Variants in RUNDC1 observed in about 807,000 individuals in gnomAD.
RUNDC1 encodes RUN domain containing 1.
Under a neutral mutation model 49.3 loss-of-function variants are expected in RUNDC1, and 31 were observed. The observed-to-expected ratio is 0.63, with a 90% confidence interval of 0.47 to 0.85. The LOEUF (loss-of-function observed/expected upper bound fraction) is 0.85. Among genes scored for constraint, RUNDC1 ranks in the 40% least tolerant of loss-of-function variants. The probability of loss-of-function intolerance (pLI) is 0.00; values close to 1 mark genes in which losing one functional copy is unlikely to be tolerated. For synonymous variants in RUNDC1, 347 were observed against 348.6 expected (o/e 1.00, Z 0.05); for missense variants, 715 against 806.7 (o/e 0.89, Z 1.38).
rs766156837 is a variant in RUNDC1 at position 42,991,474 on chromosome 17, G to A, written c.1600G>A (p.Ala534Thr). 1.7e-5 allele frequency: 27 copies of A among 1,614,192 alleles called. No individual in the cohort carries two copies. The highest frequency in any genetic ancestry group is 2.2e-5 in the Non-Finnish European group (26 of 1,180,050). Residue 534 changes from alanine to threonine, a missense_variant, in exon 5 of 5, where the codon GCA becomes ACA. Ala to Thr is a moderately conservative substitution (Grantham distance 58). Transcript: ENST00000361677. ...AGAGCATGACCCTTTTAAGCGCAGT[G>A]CAGACTCAGAATTGAAGGCCTTGGT... ...LTEHDPFKRS[A>T]DSELKALVCM...
At position 42,980,735 on chromosome 17, in the gene RUNDC1, A is replaced by T; in HGVS notation, c.159A>T (p.Ala53=). Residue 53 remains alanine (A), a synonymous_variant, in exon 1 of 5, where the codon GCA becomes GCT. Coordinates refer to ENST00000361677, the MANE Select transcript of RUNDC1 (RefSeq NM_173079.5). ...CGGTGGCGGAGGCCCGGCCTGGGGC[A>T]ACCGCGTTTTTAGAAGAGGCGACGG... ...VGAVAEARPG[A]TAFLEEATAE... 6.5e-7 allele frequency: 1 copy of T among 1,529,802 alleles called. No homozygotes were observed. Among genetic ancestry groups the T allele is most frequent in the Non-Finnish European group, 8.8e-7 (1 of 1,142,098 alleles). The allele number at this position is 1,529,802 out of a possible 1,614,324, so 94.8% of individuals were successfully genotyped here.
rs2050230125 is a variant in RUNDC1, at chr17:42,990,905, G to A, written c.1031G>A (p.Arg344Gln). Residue 344 changes from arginine to glutamine, a missense_variant, in exon 5 of 5, where the codon CGA becomes CAA. Physicochemically the swap from Arg to Gln is conservative, Grantham distance 43. Around this residue, in one of 5 missense-constraint regions of RUNDC1, gnomAD observed 425 missense variants for 499.7 expected, o/e 0.85. Transcript: ENST00000361677. ...VRETGLHLMR[R>Q]ALAVLQIFAV... The stretch of plus-strand genomic sequence containing the variant: ...GAGACGGGGCTGCACCTGATGCGGC[G>A]AGCGCTGGCCGTGCTCCAGATCTTT... 3.7e-6 allele frequency: 6 copies of A among 1,610,112 alleles called. No individual in the cohort carries two copies. Among genetic ancestry groups the A allele is most frequent in the South Asian group, 1.1e-5 (1 of 91,022 alleles).
In RUNDC1 at chr17:42,991,437, C is replaced by T. The variant is rs2050240913; in HGVS notation, c.1563C>T (p.His521=). Residue 521 remains histidine, a synonymous_variant, in exon 5 of 5, where the codon CAC becomes CAT. Transcript: ENST00000361677. ...TPKQSLLTAI[H]MVLTEHDPFK... is the part of the protein sequence containing the mutation. ...AACAGAGCCTACTGACAGCCATCCA[C>T]ATGGTGCTGACAGAGCATGACCCTT... is the stretch of plus-strand genomic sequence containing the variant. 6.2e-7 allele frequency: 1 copy of T among 1,614,246 alleles called. No homozygotes were observed. Among genetic ancestry groups the T allele is most frequent in the Non-Finnish European group, 8.5e-7 (1 of 1,180,042 alleles).
intron 4 of RUNDC1, 27 bp downstream of exon 4, chr17:42,990,463 A>G (rs778100835): frequency 1.2e-6 from 2 of 1,611,538 alleles, no homozygotes; most frequent in African/African-American, 2.7e-5. Flanking sequence ...GAACAGGCAA[A>G]TCTCTAGAGA....
Position 42,994,682 on chromosome 17 carries a change from C to A in RUNDC1, c.*2966C>A, listed in dbSNP as rs1567735318. Among the ~76,000 whole-genome samples, 1 of 152,160 alleles carries A rather than the reference C, an allele frequency of 6.6e-6. No individual in the cohort carries two copies. Among genetic ancestry groups the A allele is most frequent in the Non-Finnish European group, 1.5e-5 (1 of 68,026 alleles). ...CAGCCATGACTTTCATGTCTAAGTTCTTGAAACCTAAATGTGTGTATCAAC... is the reference window on the plus strand; with the variant it reads ...CAGCCATGACTTTCATGTCTAAGTTATTGAAACCTAAATGTGTGTATCAAC... On this transcript the variant is annotated 3_prime_UTR_variant, in exon 5 of 5. Coordinates refer to ENST00000361677, the MANE Select transcript of RUNDC1 (RefSeq NM_173079.5).
Position 42,991,894 on chromosome 17 carries a change from A to C in RUNDC1, c.*178A>C, listed in dbSNP as rs2050249064. 8 of 668,820 alleles carry C rather than the reference A, an allele frequency of 1.2e-5. No individual in the cohort carries two copies. Among genetic ancestry groups the C allele is most frequent in the Middle Eastern group, 3.8e-4 (1 of 2,666 alleles). 41.4% of individuals were successfully genotyped at this position (668,820 alleles called of 1,614,324 possible). A position where few individuals can be genotyped will look rare whatever the true frequency, so the allele number is the denominator to read the frequency against. ...CCCCACCAACTTAGCTCTCGGAAAG[A>C]TGTGCTGGAGGGACCCTCTTGTTAA... On this transcript the variant is annotated 3_prime_UTR_variant, in exon 5 of 5. Transcript: ENST00000361677.
In RUNDC1 at chr17:42,994,853, A is replaced by T. The variant is rs971216349; in HGVS notation, c.*3137A>T. Among the ~76,000 whole-genome samples the T allele has an allele frequency of 6.6e-6, 1 of 152,196 alleles. No individual in the cohort carries two copies. Among genetic ancestry groups the T allele is most frequent in the Non-Finnish European group, 1.5e-5 (1 of 68,030 alleles). ...AGGAGAGGCAGGCCAGTCCACCCAG[A>T]TCCAAGGATATGCAAGAATGGAAGG... On this transcript the variant is annotated 3_prime_UTR_variant, in exon 5 of 5. Transcript: ENST00000361677.
At chr17:42,987,676 A>G (rs778410501) in intron 2 of RUNDC1, among the ~76,000 whole-genome samples, 13 of 152,258 alleles carry the variant, frequency 8.5e-5, no homozygotes, top group Non-Finnish European at 1.5e-4. Context: ...ATAAGAATAT[A>G]ACAATAATTT....
chr17:42,986,985 A>G (rs927856600), intron 1 of RUNDC1, among the ~76,000 whole-genome samples: 1 of 152,184 alleles, frequency 6.6e-6, no homozygotes, highest in Non-Finnish European at 1.5e-5. Context: ...CTTTGGGGGA[A>G]AAAAGGCAGT....
At position 42,991,647 on chromosome 17, in the gene RUNDC1, C is replaced by T. The variant is rs1236537305; in HGVS notation, c.1773C>T (p.Ser591=). The change falls in exon 5 of 5, where the codon AGC becomes AGT. Residue 591 remains serine (S), a synonymous_variant. Transcript: ENST00000361677. ...ESALNLLSRL[S]SLKFSLPVDL... ...CCCTCAACCTGCTCAGTCGCCTCAG[C>T]AGCCTCAAGTTTAGCCTCCCTGTAG... 1.2e-6 allele frequency: 2 copies of T among 1,613,948 alleles called. No individual in the cohort carries two copies. Among genetic ancestry groups the T allele is most frequent in the East Asian group, 4.5e-5 (2 of 44,890 alleles).
chr17:42,980,910 G>C lies in RUNDC1; in HGVS notation c.334G>C (p.Val112Leu), dbSNP rs1217663502. Residue 112 changes from valine to leucine, a missense_variant, in exon 1 of 5, where the codon GTG becomes CTG. Physicochemically the swap from Val to Leu is conservative, Grantham distance 32. Coordinates refer to ENST00000361677, the MANE Select transcript of RUNDC1 (RefSeq NM_173079.5). Reference protein sequence around the residue: ...AQVQFRLRQVVRGAPAEQQRL... With the variant: ...AQVQFRLRQVLRGAPAEQQRL... ...GGTGCAGTTCCGCCTGCGCCAGGTGGTGCGCGGGGCGCCGGCGGAGCAGCA... is the reference window on the plus strand; with the variant it reads ...GGTGCAGTTCCGCCTGCGCCAGGTGCTGCGCGGGGCGCCGGCGGAGCAGCA... The C allele has an allele frequency of 6.5e-7, 1 of 1,530,128 alleles. No homozygotes were observed. Among genetic ancestry groups the C allele is most frequent in the Non-Finnish European group, 8.7e-7 (1 of 1,144,938 alleles). The allele number at this position is 1,530,128 out of a possible 1,614,324, so 94.8% of individuals were successfully genotyped here. A position where few individuals can be genotyped will look rare whatever the true frequency, so the allele number is the denominator to read the frequency against.
At position 42,984,143 on chromosome 17, in the gene RUNDC1, A is replaced by AT. The variant is rs1452847251; in HGVS notation, c.498+3069_498+3070insT. The stretch of plus-strand genomic sequence containing the variant: ...CACTACCATGACTAGCTAATTAAAA[A>AT]ATATATTTTTTCTGTAGAGGTGGGG... On this transcript the variant is annotated intron_variant, in intron 1 of 4. Coordinates refer to ENST00000361677, the MANE Select transcript of RUNDC1 (RefSeq NM_173079.5). Among the ~76,000 whole-genome samples, 3 of 151,020 alleles carry AT rather than the reference A, an allele frequency of 2.0e-5. 1 individual carries two copies. The highest frequency in any genetic ancestry group is 4.2e-4 in the South Asian group (2 of 4,766).
intron 1 of RUNDC1, 45 bp from the exon 2 acceptor site, chr17:42,987,211 T>C (rs765792857): frequency 2.2e-5 from 34 of 1,550,568 alleles, no homozygotes; most frequent in Middle Eastern, 1.7e-4. Context: ...GTGCCCTGAG[T>C]TTCCCTTTGC....
chr17:42,981,160 G>C (rs1189997438), intron 1 of RUNDC1, 86 bp downstream of exon 1: 1 of 1,435,670 alleles, frequency 7.0e-7, no homozygotes, highest in Non-Finnish European at 9.2e-7. Context: ...TGGTGCATGC[G>C]GGGAGAAGCC....
intron 1 of RUNDC1, 119 bp downstream of exon 1, chr17:42,981,193 C>A (rs944944645): frequency 2.7e-5 from 35 of 1,303,362 alleles, no homozygotes; most frequent in Non-Finnish European, 1.2e-5. Flanking sequence ...TCGGTGAGTA[C>A]GTGTGTCGGA....
chr17:42,981,307 C>T lies in RUNDC1; in HGVS notation c.498+233C>T. 4 of 547,576 alleles carry T rather than the reference C, an allele frequency of 7.3e-6. No homozygotes were observed. The Admixed American group carries it at 1.5e-4, about 21-fold the overall frequency. The allele number at this position is 547,576 out of a possible 1,614,324, so 33.9% of individuals were successfully genotyped here. A position where few individuals can be genotyped will look rare whatever the true frequency, so the allele number is the denominator to read the frequency against. ...CGGAGGATGTGGAGAGATGTCGGTG[C>T]GTGATGACGTGAGTGGTAGAGGAGC... On this transcript the variant is annotated intron_variant, in intron 1 of 4. Coordinates refer to ENST00000361677, the MANE Select transcript of RUNDC1 (RefSeq NM_173079.5).
At position 42,980,805 on chromosome 17, in the gene RUNDC1, G is replaced by C; in HGVS notation, c.229G>C (p.Gly77Arg). The change falls in exon 1 of 5, where the codon GGC becomes CGC. Residue 77 changes from glycine (G) to arginine (R), a missense_variant. Physicochemically the swap from Gly to Arg is moderately radical, Grantham distance 125. Transcript: ENST00000361677. ...AAPGSPPDSP[G>R]RTLRRLRAER... ...CCCGGGCTCCCCGCCGGATTCGCCG[G>C]GCCGGACGCTGCGGCGGCTGCGGGC... 7.2e-7 allele frequency: 1 copy of C among 1,383,696 alleles called. No individual in the cohort carries two copies. Among genetic ancestry groups the C allele is most frequent in the South Asian group, 1.7e-5 (1 of 59,818 alleles). 85.7% of individuals were successfully genotyped at this position (1,383,696 alleles called of 1,614,324 possible).
intron 1 of RUNDC1, among the ~76,000 whole-genome samples, chr17:42,985,818 C>A (rs2151958110): frequency 6.6e-6 from 1 of 152,224 alleles, no homozygotes; most frequent in South Asian, 2.1e-4. Context: ...GACTTTACCA[C>A]CCTGAAGCAT....
chr17:42,994,698 G>T lies in RUNDC1; in HGVS notation c.*2982G>T, dbSNP rs2050285200. Reference sequence around the variant, plus strand: ...GTCTAAGTTCTTGAAACCTAAATGTGTGTATCAACTGAGACAACCCAACAA... The same window carrying T: ...GTCTAAGTTCTTGAAACCTAAATGTTTGTATCAACTGAGACAACCCAACAA... On this transcript the variant is annotated 3_prime_UTR_variant, in exon 5 of 5. Transcript: ENST00000361677. 6.6e-6 allele frequency among the ~76,000 whole-genome samples: 1 copy of T among 152,204 alleles called. No individual in the cohort carries two copies. The highest frequency in any genetic ancestry group is 1.5e-5 in the Non-Finnish European group (1 of 68,038).
Sources: allele counts gnomAD v4.1 joint callset (sites outside exome capture counted in the v4.1 genomes callset), GRCh38; gene constraint gnomAD v4.1.1; regional missense constraint gnomAD v4.1.1; transcripts MANE v1.5; gene names NCBI Gene and HGNC (gene_info 2026-07-23, HGNC 2026-07-21).